Variants in SYNCRIP observed in about 807,000 individuals in gnomAD.
SYNCRIP encodes the protein synaptotagmin binding cytoplasmic RNA interacting protein.
SYNCRIP carries 9 observed loss-of-function variants against 68.9 expected under a neutral mutation model. That is an observed-to-expected ratio of 0.13 (90% CI 0.08 to 0.23). The LOEUF (loss-of-function observed/expected upper bound fraction) is 0.23. Among genes scored for constraint, SYNCRIP ranks in the 10% least tolerant of loss-of-function variants. The pLI, the probability that SYNCRIP is intolerant of heterozygous loss-of-function variation, is 1.00. For missense variants in SYNCRIP, 414 were observed against 770.6 expected (o/e 0.54, Z 5.48); for synonymous variants, 258 against 254.0 (o/e 1.02, Z -0.15).
intron 6 of SYNCRIP, among the ~76,000 whole-genome samples, chr6:85,625,707 A>T (rs942431866): frequency 6.6e-6 from 1 of 152,036 alleles, no homozygotes; most frequent in African/African-American, 2.4e-5. Flanking sequence ...TTATACTCCT[A>T]TGGCTCTGAA....
At chr6:85,610,225 T>C (rs1397464797), downstream of SYNCRIP, 4 of 151,972 alleles carry the variant, frequency 2.6e-5, no homozygotes, top group African/African-American at 7.2e-5. Context: ...AATCACTACA[T>C]GCATATTTAG....
At chr6:85,636,432 C>A (rs1808461245) in intron 6 of SYNCRIP, among the ~76,000 whole-genome samples, 2 of 151,264 alleles carry the variant, frequency 1.3e-5, no homozygotes, top group South Asian at 2.1e-4. Context: ...GAGAGAGAAA[C>A]TTGGTCTCAA....
chr6:85,640,202 G>C lies in SYNCRIP; in HGVS notation c.375+19C>G, dbSNP rs202241205. The C allele has an allele frequency of 8.5e-6, 13 of 1,529,288 alleles. No homozygotes were observed. The East Asian group carries it at 2.9e-4, about 34-fold the overall frequency. The allele number at this position is 1,529,288 out of a possible 1,614,324, so 94.7% of individuals were successfully genotyped here. The stretch of plus-strand genomic sequence containing the variant: ...AGTTAAAATGACTTTAAAACTAAAG[G>C]GAGTATAGAAAGACATACCTTAATT... On this transcript the variant is annotated intron_variant, in intron 4 of 10. Coordinates refer to ENST00000369622, the MANE Select transcript of SYNCRIP (RefSeq NM_006372.5).
intron 10 of SYNCRIP, among the ~76,000 whole-genome samples, chr6:85,616,624 A>G (rs1226868914): frequency 6.6e-6 from 1 of 152,206 alleles, no homozygotes; most frequent in Non-Finnish European, 1.5e-5. Context: ...GTGGGATTAC[A>G]GGCATGAGCC....
In SYNCRIP at chr6:85,614,819, G is replaced by A; in HGVS notation, c.1809C>T (p.Asn603=). Residue 603 remains asparagine, a synonymous_variant, in exon 11 of 11, where the codon AAC becomes AAT. Coordinates refer to ENST00000369622, the MANE Select transcript of SYNCRIP (RefSeq NM_006372.5). Reference sequence around the variant, plus strand: ...CCTGGTTTTCAGATTTGTAACCATAGTTACCAGAATGATCACCACCTTGGA... The same window carrying A: ...CCTGGTTTTCAGATTTGTAACCATAATTACCAGAATGATCACCACCTTGGA... The part of the protein sequence containing the change: ...QPLQGGDHSG[N]YGYKSENQEF... The A allele has an allele frequency of 6.2e-7, 1 of 1,613,342 alleles. No individual in the cohort carries two copies. Among genetic ancestry groups the A allele is most frequent in the Non-Finnish European group, 8.5e-7 (1 of 1,179,824 alleles).
At chr6:85,609,192 T>G (rs1805055935), downstream of SYNCRIP, 1 of 151,902 alleles carries the variant, frequency 6.6e-6, no homozygotes, top group Non-Finnish European at 1.5e-5. Context: ...TTGACGAACT[T>G]GAGAAGTTTT....
At chr6:85,631,001 TC>T (rs1807707007) in intron 6 of SYNCRIP, among the ~76,000 whole-genome samples, 1 of 152,148 alleles carries the variant, frequency 6.6e-6, no homozygotes, top group Non-Finnish European at 1.5e-5. Context: ...TGGGCTGCTT[TC>T]AACCCCTACG....
At chr6:85,610,372 A>G (rs1332311214), downstream of SYNCRIP, 2 of 152,022 alleles carry the variant, frequency 1.3e-5, no homozygotes, top group African/African-American at 4.8e-5. Flanking sequence ...TGATGTGTAT[A>G]TATTTCATCA....
intron 4 of SYNCRIP, among the ~76,000 whole-genome samples, chr6:85,639,487 T>TA (rs1302271706): frequency 6.6e-6 from 1 of 152,252 alleles, no homozygotes; most frequent in African/African-American, 2.4e-5. Flanking sequence ...TTCCATATTC[T>TA]AGGCTTTCCC....
Position 85,618,942 on chromosome 6 carries a change from T to G in SYNCRIP, c.1159-3A>C. 6.2e-7 allele frequency: 1 copy of G among 1,605,102 alleles called. No homozygotes were observed. The highest frequency in any genetic ancestry group is 8.5e-7 in the Non-Finnish European group (1 of 1,176,600). ...TTGCCATTCATTTCTTCCATAGCCT[T>G]AAAAAATTAGATAAGTCAATATAAA... On this transcript the variant is annotated splice_polypyrimidine_tract_variant and splice_region_variant and intron_variant, in intron 9 of 10. Transcript: ENST00000369622.
intron 10 of SYNCRIP, among the ~76,000 whole-genome samples, chr6:85,617,959 G>C (rs1242909344): frequency 6.6e-6 from 1 of 152,048 alleles, no homozygotes; most frequent in African/African-American, 2.4e-5. Context: ...TCTCTAAAAA[G>C]GTCTCCCTAA....
rs1359561537 is a variant in SYNCRIP at position 85,614,836 on chromosome 6, C to G, written c.1792G>C (p.Gly598Arg). The G allele has an allele frequency of 6.8e-6, 11 of 1,613,764 alleles. No individual in the cohort carries two copies. Among genetic ancestry groups the G allele is most frequent in the Non-Finnish European group, 6.8e-6 (8 of 1,179,986 alleles). ...QPIAQQPLQG[G>R]DHSGNYGYKS... ...TAACCATAGTTACCAGAATGATCAC[C>G]ACCTTGGAGCGGTTGCTGAGCAATG... The change falls in exon 11 of 11, where the codon GGT becomes CGT. Residue 598 changes from glycine (G) to arginine (R), a missense_variant. Coordinates refer to ENST00000369622, the MANE Select transcript of SYNCRIP (RefSeq NM_006372.5).
downstream of SYNCRIP, chr6:85,613,937 A>T (rs1805486992): frequency 1.0e-6 from 1 of 969,136 alleles, no homozygotes; most frequent in Non-Finnish European, 1.2e-6. Flanking sequence ...CAGTTCATTC[A>T]TCACAATTAA....
intron 6 of SYNCRIP, among the ~76,000 whole-genome samples, chr6:85,628,245 A>C (rs985944450): frequency 6.6e-6 from 1 of 151,966 alleles, no homozygotes; most frequent in Non-Finnish European, 1.5e-5. Flanking sequence ...TAGTAGAGAC[A>C]GGGTTTCACC....
At chr6:85,638,032 A>G (rs1258532755) in intron 4 of SYNCRIP, among the ~76,000 whole-genome samples, 2 of 152,244 alleles carry the variant, frequency 1.3e-5, no homozygotes, top group South Asian at 2.1e-4. Context: ...CACAACTCAT[A>G]TTTACTCAGA....
chr6:85,629,892 C>G (rs1807521725), intron 6 of SYNCRIP, among the ~76,000 whole-genome samples: 1 of 150,584 alleles, frequency 6.6e-6, no homozygotes, highest in Admixed American at 6.6e-5. Flanking sequence ...GCCGAGGCAG[C>G]AGAATCTCCT....
rs781083306 is a variant in SYNCRIP at position 85,629,516 on chromosome 6, C to CAAAAAAAAAAAAAAA, written c.667-5419_667-5405dup. Among the ~76,000 whole-genome samples the CAAAAAAAAAAAAAAA allele has an allele frequency of 1.7e-3, 112 of 64,870 alleles. 2 individuals are homozygous for CAAAAAAAAAAAAAAA. The highest frequency in any genetic ancestry group is 2.4e-3 in the Non-Finnish European group (93 of 38,430). The allele number at this position is 64,870 out of a possible 152,430, so 42.6% of individuals were successfully genotyped here. A position where few individuals can be genotyped will look rare whatever the true frequency, so the allele number is the denominator to read the frequency against. ...CAGCCTGGTCAACAAACTAAAAATACAAAAAAAAAAAAAAAAAAAAAAAAG... is the reference window on the plus strand; with the variant it reads ...CAGCCTGGTCAACAAACTAAAAATACAAAAAAAAAAAAAAAAAAAAAAAAAAAAAAAAAAAAAAAG... On this transcript the variant is annotated intron_variant, in intron 6 of 10. Transcript: ENST00000369622.
downstream of SYNCRIP, chr6:85,612,097 T>C (rs1562067981): frequency 1.3e-5 from 2 of 152,116 alleles, no homozygotes; most frequent in Admixed American, 6.5e-5. Context: ...AGGCCTGTTA[T>C]GATGGTCATG....
chr6:85,633,261 C>CAAAT (rs111489467), intron 6 of SYNCRIP, among the ~76,000 whole-genome samples: 3,409 of 130,512 alleles, frequency 0.026, 38 homozygotes, highest in Admixed American at 0.03. Context: ...ATCTCAAAAA[C>CAAAT]AAATAAATAA....
Sources: gnomAD v4.1 joint callset for allele counts (sites outside exome capture counted in the v4.1 genomes callset) on GRCh38, gnomAD v4.1.1 for gene constraint, MANE v1.5 for transcripts, NCBI Gene and HGNC (gene_info 2026-07-23, HGNC 2026-07-21) for gene names.